MYT1L: variants seen among roughly 807,000 people sequenced by gnomAD.
MYT1L encodes myelin transcription factor 1-like protein.
In MYT1L, 12 loss-of-function variants were observed where a neutral mutation model predicts 126.7. The observed-to-expected ratio is 0.09, with a 90% CI of 0.06 to 0.15. The LOEUF (loss-of-function observed/expected upper bound fraction) is 0.15. Among genes scored for constraint, MYT1L ranks in the 10% least tolerant of loss-of-function variants. MYT1L has a pLI of 1.00. For synonymous variants in MYT1L, 541 were observed against 604.2 expected (o/e 0.90, Z 1.53); for missense variants, 979 against 1,585.2 (o/e 0.62, Z 6.49).
intron 23 of MYT1L, among the ~76,000 whole-genome samples, chr2:1,797,515 C>T (rs775482103): frequency 9.2e-5 from 14 of 152,302 alleles, no homozygotes; most frequent in South Asian, 2.1e-4. Context: ...CCACTGTGCC[C>T]GGCCAGGGGC....
intron 9 of MYT1L, among the ~76,000 whole-genome samples, chr2:1,931,156 G>A (rs541176523): frequency 3.9e-5 from 6 of 152,290 alleles, no homozygotes; most frequent in Admixed American, 3.3e-4. Flanking sequence ...GGGTGGGGCC[G>A]GCCTGGGGGA....
At chr2:2,032,682 AAG>A (rs2066475416) in intron 4 of MYT1L, among the ~76,000 whole-genome samples, 1 of 77,408 alleles carries the variant, frequency 1.3e-5, no homozygotes, top group Admixed American at 1.3e-4. Flanking sequence ...CACCCCTCGC[AAG>A]TGCCTCTCAT....
intron 3 of MYT1L, among the ~76,000 whole-genome samples, chr2:2,094,699 A>C (rs2077250040): frequency 6.8e-6 from 1 of 148,120 alleles, no homozygotes; most frequent in Non-Finnish European, 1.5e-5. Flanking sequence ...GCATGTTCTC[A>C]CTCATAGGTG....
At chr2:2,262,332 C>T (rs1046197221) in intron 2 of MYT1L, among the ~76,000 whole-genome samples, 1 of 152,120 alleles carries the variant, frequency 6.6e-6, no homozygotes, top group Non-Finnish European at 1.5e-5. Context: ...ATGATTCCTT[C>T]CAGCCTGGGT....
chr2:1,814,340 C>G (rs1053354348), intron 21 of MYT1L, among the ~76,000 whole-genome samples: 7 of 152,206 alleles, frequency 4.6e-5, no homozygotes, highest in Admixed American at 3.3e-4. Context: ...TCTGGCCCAC[C>G]ACAGCGCTGC....
intron 4 of MYT1L, among the ~76,000 whole-genome samples, chr2:2,005,833 C>CTTCTTTCCTGCCTGCT (rs1257442111): frequency 1.5e-5 from 2 of 133,982 alleles, no homozygotes; most frequent in Non-Finnish European, 1.6e-5. Flanking sequence ...TCCTGCATGC[C>CTTCTTTCCTGCCTGCT]TTCTTTCCTG....
intron 2 of MYT1L, among the ~76,000 whole-genome samples, chr2:2,260,082 C>T (rs1357482780): frequency 2.0e-5 from 3 of 152,172 alleles, no homozygotes; most frequent in East Asian, 1.9e-4. Context: ...AGAGTATCCA[C>T]GCCATTCCTT....
At position 1,943,214 on chromosome 2, in the gene MYT1L, G is replaced by T; in HGVS notation, c.273C>A (p.Asp91Glu). ...KADSSSVDEC[D>E]DSDGTEDMDE... ...CCATGTCCTCAGTCCCATCACTGTC[G>T]TCACACTCATCCACTGAGGAGCTGT... The change falls in exon 9 of 25, where the codon GAC becomes GAA. Residue 91 changes from aspartate to glutamate, a missense_variant. Around this residue, in one of 12 missense-constraint regions of MYT1L, gnomAD observed 111 missense variants for 115.9 expected, o/e 0.96. Coordinates refer to ENST00000647738, the MANE Select transcript of MYT1L (RefSeq NM_001303052.2). This position sits in a 1 kb window ranked among gnomAD's most constrained non-coding sequence, Gnocchi z 4.4. 6.4e-7 allele frequency: 1 copy of T among 1,551,964 alleles called. No homozygotes were observed. Among genetic ancestry groups the T allele is most frequent in the Non-Finnish European group, 8.7e-7 (1 of 1,147,238 alleles).
At chr2:1,999,774 G>A (rs2062189309) in intron 4 of MYT1L, among the ~76,000 whole-genome samples, 1 of 152,136 alleles carries the variant, frequency 6.6e-6, no homozygotes, top group South Asian at 2.1e-4. Flanking sequence ...AAAGCATTTT[G>A]CAATCAGCTA....
At chr2:2,133,079 G>T (rs933634196) in intron 3 of MYT1L, among the ~76,000 whole-genome samples, 6 of 151,002 alleles carry the variant, frequency 4.0e-5, no homozygotes, top group African/African-American at 5.0e-5. Context: ...CGTCTTCTTT[G>T]GGGGGGACGA....
chr2:1,928,726 A>C (rs1192614495), intron 9 of MYT1L, among the ~76,000 whole-genome samples: 1 of 152,026 alleles, frequency 6.6e-6, no homozygotes, highest in Non-Finnish European at 1.5e-5. Context: ...GCTTGGTTGT[A>C]TCACCAACCA....
chr2:2,306,433 G>C (rs1438118982), intron 1 of MYT1L, among the ~76,000 whole-genome samples: 1 of 152,078 alleles, frequency 6.6e-6, no homozygotes, highest in African/African-American at 2.4e-5. Flanking sequence ...ATAGGAGTCT[G>C]GACGTCTGGC....
chr2:2,078,030 G>A (rs370304625), intron 3 of MYT1L, among the ~76,000 whole-genome samples: 7 of 152,274 alleles, frequency 4.6e-5, no homozygotes, highest in African/African-American at 7.2e-5. Context: ...AATTTGTATA[G>A]CAATAATAGG....
rs1221710761 is a variant in MYT1L at position 1,917,754 on chromosome 2, T to C, written c.1484-415A>G. Among the ~76,000 whole-genome samples the C allele has an allele frequency of 6.6e-6, 1 of 152,200 alleles. No individual in the cohort carries two copies. The highest frequency in any genetic ancestry group is 1.9e-4 in the East Asian group (1 of 5,202). ...AATTCAACCAGAGAGTGTCATTCCA[T>C]TCAAAAACTCTTTAGCTGAATTTCT... On this transcript the variant is annotated intron_variant, in intron 10 of 24. Transcript: ENST00000647738. The surrounding 1 kb of genome is among the most constrained non-coding windows in gnomAD (Gnocchi z 5.9).
At chr2:2,135,141 TC>T (rs2082874683) in intron 3 of MYT1L, among the ~76,000 whole-genome samples, 1 of 152,148 alleles carries the variant, frequency 6.6e-6, no homozygotes, top group Non-Finnish European at 1.5e-5. Flanking sequence ...TTTGGCTGTG[TC>T]CCCACCCAAA....
At chr2:2,144,412 T>C (rs2084546927) in intron 3 of MYT1L, among the ~76,000 whole-genome samples, 1 of 152,206 alleles carries the variant, frequency 6.6e-6, no homozygotes. Flanking sequence ...TCCTCCATAT[T>C]GTGTGCTGGA....
At chr2:2,117,946 G>T (rs1437230305) in intron 3 of MYT1L, among the ~76,000 whole-genome samples, 4 of 151,802 alleles carry the variant, frequency 2.6e-5, no homozygotes, top group African/African-American at 4.8e-5. Context: ...TATGTTTGGG[G>T]TGTAAAGTTG....
At chr2:2,293,734 G>A (rs557043490) in intron 1 of MYT1L, among the ~76,000 whole-genome samples, 1 of 152,286 alleles carries the variant, frequency 6.6e-6, no homozygotes, top group African/African-American at 2.4e-5. Context: ...GCAGGAGGTG[G>A]ACACCAACCC....
chr2:1,943,357 C>G lies in MYT1L; in HGVS notation c.153-23G>C. On this transcript the variant is annotated intron_variant, in intron 8 of 24. Coordinates refer to ENST00000647738, the MANE Select transcript of MYT1L (RefSeq NM_001303052.2). The surrounding 1 kb of genome is among the most constrained non-coding windows in gnomAD (Gnocchi z 4.4). ...ACACTAATTAAAAAAATAGAGAAGG[C>G]AGGGGAGAGAGAGAAAAAAAATATC... The G allele has an allele frequency of 6.6e-7, 1 of 1,515,522 alleles. No homozygotes were observed. The allele number at this position is 1,515,522 out of a possible 1,614,324, so 93.9% of individuals were successfully genotyped here.
Sources: allele counts gnomAD v4.1 joint callset (sites outside exome capture counted in the v4.1 genomes callset), GRCh38; gene constraint gnomAD v4.1.1; regional missense constraint gnomAD v4.1.1; non-coding constraint Gnocchi (gnomAD v3.1); transcripts MANE v1.5; gene names NCBI Gene and HGNC (gene_info 2026-07-23, HGNC 2026-07-21).